Variants in CDH23 observed in about 807,000 individuals in gnomAD.
CDH23 encodes the protein cadherin related 23.
In CDH23, 189 loss-of-function variants were observed where a neutral mutation model predicts 317.1. The observed-to-expected ratio is 0.60, with a 90% CI of 0.53 to 0.67. CDH23 has a LOEUF of 0.67. Among genes scored for constraint, CDH23 ranks in the 30% least tolerant of loss-of-function variants. CDH23 has a pLI of 0.00. For synonymous variants in CDH23, 1,839 were observed against 1,876.8 expected (o/e 0.98, Z 0.52); for missense variants, 4,401 against 4,592.4 (o/e 0.96, Z 1.20).
intron 14 of CDH23, among the ~76,000 whole-genome samples, chr10:71,649,096 G>A (rs1167398734): frequency 6.6e-6 from 1 of 152,134 alleles, no homozygotes; most frequent in Non-Finnish European, 1.5e-5. Flanking sequence ...CATCCTGGGT[G>A]ACCCACCCTC....
intron 10 of CDH23, among the ~76,000 whole-genome samples, chr10:71,616,005 C>T (rs1861166869): frequency 6.6e-6 from 1 of 152,214 alleles, no homozygotes; most frequent in African/African-American, 2.4e-5. Flanking sequence ...GTCCCACTTC[C>T]AAGTGCCATG....
intron 1 of CDH23, among the ~76,000 whole-genome samples, chr10:71,432,663 T>C (rs913043483): frequency 1.3e-5 from 2 of 152,088 alleles, no homozygotes; most frequent in African/African-American, 4.8e-5. Context: ...AGCCTGGGTT[T>C]TAGCCCATTC....
intron 37 of CDH23, 144 bp from the exon 38 acceptor site, chr10:71,741,550 C>T: frequency 1.5e-6 from 1 of 676,568 alleles, no homozygotes; most frequent in East Asian, 2.7e-5. Flanking sequence ...TGCTATCATC[C>T]TTATTATCTC....
intron 27 of CDH23, among the ~76,000 whole-genome samples, chr10:71,710,144 A>G (rs566666155): frequency 2.0e-5 from 3 of 152,286 alleles, no homozygotes; most frequent in South Asian, 2.1e-4. Context: ...AAGCCAAACC[A>G]TATCAGTTGG....
At chr10:71,640,406 G>T (rs1247442627) in intron 11 of CDH23, among the ~76,000 whole-genome samples, 1 of 152,206 alleles carries the variant, frequency 6.6e-6, no homozygotes, top group Non-Finnish European at 1.5e-5. Context: ...TATCCTGATG[G>T]TTCTCAGACA....
intron 6 of CDH23, among the ~76,000 whole-genome samples, chr10:71,520,381 G>A (rs1464676070): frequency 2.6e-5 from 4 of 152,236 alleles, no homozygotes; most frequent in Non-Finnish European, 5.9e-5. Context: ...AGCACAGGGT[G>A]ACCCTGGAGG....
At chr10:71,602,148 G>A (rs752316029) in intron 9 of CDH23, among the ~76,000 whole-genome samples, 1 of 152,194 alleles carries the variant, frequency 6.6e-6, no homozygotes, top group African/African-American at 2.4e-5. Context: ...TAAATTACCC[G>A]GCTCAAGGTG....
intron 3 of CDH23, among the ~76,000 whole-genome samples, chr10:71,500,800 T>TC (rs1376353722): frequency 4.8e-5 from 7 of 145,234 alleles, no homozygotes; most frequent in Non-Finnish European, 1.0e-4. Flanking sequence ...TTTTCTTTTC[T>TC]TTTCTTTTCT....
chr10:71,511,497 A>C (rs1853984433), intron 6 of CDH23, among the ~76,000 whole-genome samples: 1 of 150,382 alleles, frequency 6.6e-6, no homozygotes, highest in Non-Finnish European at 1.5e-5. Flanking sequence ...GAGTTGGGAG[A>C]AGCAGGTGTT....
At chr10:71,462,793 A>G (rs1851066936) in intron 3 of CDH23, among the ~76,000 whole-genome samples, 1 of 152,218 alleles carries the variant, frequency 6.6e-6, no homozygotes. Flanking sequence ...CCCTGCCTGC[A>G]CAGGTGCTTT....
intron 3 of CDH23, among the ~76,000 whole-genome samples, chr10:71,498,877 T>C (rs1235648085): frequency 6.6e-6 from 1 of 152,212 alleles, no homozygotes; most frequent in Non-Finnish European, 1.5e-5. Context: ...TGTCTGATCT[T>C]TCCTCTGGGG....
chr10:71,661,742 G>GCC (rs397977031), intron 14 of CDH23, among the ~76,000 whole-genome samples: 3 of 66,662 alleles, frequency 4.5e-5, no homozygotes, highest in Admixed American at 1.7e-4. Flanking sequence ...CACCCTGCGC[G>GCC]CCCTCCCACC....
intron 62 of CDH23, 148 bp from the exon 63 acceptor site, chr10:71,811,167 A>C: frequency 8.8e-7 from 1 of 1,140,942 alleles, no homozygotes; most frequent in Non-Finnish European, 1.3e-6. Context: ...GGAACCTTGT[A>C]AAACACAAAG....
At chr10:71,752,935 G>T in intron 38 of CDH23, 1 of 1,607,590 alleles carries the variant, frequency 6.2e-7, no homozygotes. Flanking sequence ...TGGATAGCCG[G>T]CCCAGGAAGT....
intron 38 of CDH23, among the ~76,000 whole-genome samples, chr10:71,770,440 G>A (rs1296641552): frequency 2.0e-5 from 2 of 101,896 alleles, no homozygotes; most frequent in Non-Finnish European, 2.5e-5. Context: ...GGGGCTGTAC[G>A]GAAGCCCTGG....
At chr10:71,585,627 G>A (rs954514975) in intron 9 of CDH23, among the ~76,000 whole-genome samples, 7 of 152,166 alleles carry the variant, frequency 4.6e-5, no homozygotes, top group African/African-American at 9.7e-5. Flanking sequence ...TGCCGAGACA[G>A]CAATAATGCA....
intron 14 of CDH23, among the ~76,000 whole-genome samples, chr10:71,648,463 G>C (rs1214664767): frequency 6.6e-6 from 1 of 152,260 alleles, no homozygotes; most frequent in Non-Finnish European, 1.5e-5. Flanking sequence ...TCCAGGCTTA[G>C]TGGGTGTCAG....
At chr10:71,625,104 T>C (rs758583288) in intron 11 of CDH23, among the ~76,000 whole-genome samples, 8 of 151,744 alleles carry the variant, frequency 5.3e-5, no homozygotes, top group Non-Finnish European at 1.2e-4. Flanking sequence ...CCCCCGTGAA[T>C]GGGGATAGAA....
At chr10:71,800,059 G>A (rs1381469046) in intron 52 of CDH23, among the ~76,000 whole-genome samples, 1 of 152,228 alleles carries the variant, frequency 6.6e-6, no homozygotes, top group African/African-American at 2.4e-5. Flanking sequence ...TGCCCCAAAG[G>A]GTGCCTCCCA....
Sources: allele counts gnomAD v4.1 joint callset (sites outside exome capture counted in the v4.1 genomes callset), GRCh38; gene constraint gnomAD v4.1.1; transcripts MANE v1.5; gene names NCBI Gene and HGNC (gene_info 2026-07-23, HGNC 2026-07-21).